CAMTA1: variants seen among roughly 807,000 people sequenced by gnomAD.
CAMTA1 encodes the protein calmodulin binding transcription activator 1.
In CAMTA1, 27 loss-of-function variants were observed where a neutral mutation model predicts 170.9. That is an observed-to-expected ratio of 0.16 (90% CI 0.12 to 0.22). CAMTA1 has a LOEUF of 0.22. CAMTA1 is among the 10% of genes least tolerant of loss of function. The pLI is 1.00. For synonymous variants in CAMTA1, 833 were observed against 891.5 expected (o/e 0.93, Z 1.17); for missense variants, 1,619 against 2,217.2 (o/e 0.73, Z 5.42).
At chr1:7,265,985 A>G (rs1406913191) in intron 5 of CAMTA1, among the ~76,000 whole-genome samples, 6 of 152,238 alleles carry the variant, frequency 3.9e-5, no homozygotes, top group Non-Finnish European at 5.9e-5. Context: ...AACATAGTGT[A>G]AGAAAGTGGA....
At position 7,408,325 on chromosome 1, in the gene CAMTA1, G is replaced by A. The variant is rs113737017; in HGVS notation, c.439-59505G>A. Among the ~76,000 whole-genome samples the A allele has an allele frequency of 6.0e-3, 914 of 152,366 alleles. 8 individuals carry two copies. The highest frequency in any genetic ancestry group is 0.021 in the African/African-American group (875 of 41,594). On this transcript the variant is annotated intron_variant, in intron 5 of 22. Coordinates refer to ENST00000303635, the MANE Select transcript of CAMTA1 (RefSeq NM_015215.4). ...GGACTTGGCACAGAACAGCTGCTCC[G>A]CGTGTCTGTGGAGTAAGAGGTGGAG... is the stretch of plus-strand genomic sequence containing the variant.
chr1:7,498,910 T>C (rs984299200), intron 6 of CAMTA1, among the ~76,000 whole-genome samples: 6 of 119,012 alleles, frequency 5.0e-5, no homozygotes, highest in Non-Finnish European at 8.3e-5. Flanking sequence ...CTGGTGTGAG[T>C]GCGTATGTAT....
At chr1:7,649,286 G>C (rs756925737) in intron 7 of CAMTA1, among the ~76,000 whole-genome samples, 1 of 152,236 alleles carries the variant, frequency 6.6e-6, no homozygotes, top group Non-Finnish European at 1.5e-5. Flanking sequence ...ACAGCAGCTC[G>C]GTCCCTGAGA....
chr1:7,000,982 A>G (rs376122316), intron 3 of CAMTA1, among the ~76,000 whole-genome samples: 6 of 152,180 alleles, frequency 3.9e-5, no homozygotes, highest in East Asian at 3.9e-4. Context: ...TCCCACACCG[A>G]TAGGAAAAAC....
At chr1:7,582,530 G>C (rs1466929053) in intron 6 of CAMTA1, among the ~76,000 whole-genome samples, 48 of 152,134 alleles carry the variant, frequency 3.2e-4, no homozygotes, top group Non-Finnish European at 4.4e-5. Context: ...AACAGACACA[G>C]TCAAGGGCTA....
chr1:7,321,895 C>A (rs752443829), intron 5 of CAMTA1, among the ~76,000 whole-genome samples: 1 of 152,160 alleles, frequency 6.6e-6, no homozygotes, highest in Non-Finnish European at 1.5e-5. Flanking sequence ...GTTACACCAC[C>A]ACGTAACCCT....
intron 4 of CAMTA1, among the ~76,000 whole-genome samples, chr1:7,150,761 G>A (rs1474401302): frequency 6.6e-6 from 1 of 152,156 alleles, no homozygotes; most frequent in Non-Finnish European, 1.5e-5. Flanking sequence ...TGCTTGGGTC[G>A]TGGCCGTGCC....
intron 5 of CAMTA1, among the ~76,000 whole-genome samples, chr1:7,437,347 G>A (rs1193224): frequency 0.27 from 41,645 of 152,116 alleles, 6,492 homozygotes; most frequent in South Asian, 0.39. Context: ...TCCTGAGGGC[G>A]GTGAGGAAAA....
intron 4 of CAMTA1, among the ~76,000 whole-genome samples, chr1:7,243,823 G>A (rs1361695371): frequency 6.6e-6 from 1 of 152,136 alleles, no homozygotes; most frequent in African/African-American, 2.4e-5. Context: ...TCAGGACATA[G>A]GAATGGGCAA....
chr1:7,039,271 T>C (rs1704081714), intron 3 of CAMTA1, among the ~76,000 whole-genome samples: 2 of 152,286 alleles, frequency 1.3e-5, no homozygotes, highest in South Asian at 4.1e-4. Context: ...TCCTCCCTTC[T>C]TTTTTACTAT....
At chr1:7,512,618 T>C (rs977869306) in intron 6 of CAMTA1, among the ~76,000 whole-genome samples, 80 of 152,350 alleles carry the variant, frequency 5.3e-4, no homozygotes, top group African/African-American at 1.9e-3. Flanking sequence ...CCGTTGGCCA[T>C]GCAAGCTGCT....
chr1:7,295,899 G>T (rs1673858834), intron 5 of CAMTA1, among the ~76,000 whole-genome samples: 2 of 152,206 alleles, frequency 1.3e-5, no homozygotes, highest in Admixed American at 6.5e-5. Flanking sequence ...ATTTCTGTGG[G>T]CTGGGGCCAG....
At chr1:7,098,147 G>A (rs1642305124) in intron 4 of CAMTA1, among the ~76,000 whole-genome samples, 1 of 152,208 alleles carries the variant, frequency 6.6e-6, no homozygotes, top group Non-Finnish European at 1.5e-5. Context: ...GCGCATGCGT[G>A]TGTGTGCATG....
At chr1:6,924,482 G>A (rs1304165308) in intron 3 of CAMTA1, among the ~76,000 whole-genome samples, 1 of 152,160 alleles carries the variant, frequency 6.6e-6, no homozygotes, top group Non-Finnish European at 1.5e-5. Context: ...ATCCCCTTGG[G>A]GTGCAGGGAG....
rs563650707 is a variant in CAMTA1, at chr1:7,044,460, C to A, written c.235-46844C>A. Reference sequence around the variant, plus strand: ...GAAAGCAGGGCAGTGCCACTGGGACCCAGATCATGCCCCTCTGCATGTAAC... The same window carrying A: ...GAAAGCAGGGCAGTGCCACTGGGACACAGATCATGCCCCTCTGCATGTAAC... On this transcript the variant is annotated intron_variant, in intron 3 of 22. Coordinates refer to ENST00000303635, the MANE Select transcript of CAMTA1 (RefSeq NM_015215.4). This position sits in a 1 kb window ranked among gnomAD's most constrained non-coding sequence, Gnocchi z 5.0. Among the ~76,000 whole-genome samples, 1 of 152,316 alleles carries A rather than the reference C, an allele frequency of 6.6e-6. No individual in the cohort carries two copies. Among genetic ancestry groups the A allele is most frequent in the South Asian group, 2.1e-4 (1 of 4,820 alleles).
chr1:7,661,195 G>A (rs1273762859), intron 7 of CAMTA1, among the ~76,000 whole-genome samples: 3 of 152,082 alleles, frequency 2.0e-5, no homozygotes, highest in East Asian at 1.9e-4. Context: ...TTGGGGCAAA[G>A]AAGTCTGGTG....
At chr1:7,446,965 G>A (rs2092696316) in intron 5 of CAMTA1, among the ~76,000 whole-genome samples, 1 of 152,196 alleles carries the variant, frequency 6.6e-6, no homozygotes, top group African/African-American at 2.4e-5. Flanking sequence ...TTACCTCCCA[G>A]GTATGGTGCT....
rs376429179 is a variant in CAMTA1 at position 7,671,055 on chromosome 1, C to A, written c.2779+18C>A. ...CTGCCCAGGTGAGAAAGCCGCCCCC[C>A]AGGCCCCCAAGGTGAGTGTGATGGC... On this transcript the variant is annotated intron_variant, in intron 10 of 22. Transcript: ENST00000303635. 5.8e-5 allele frequency: 93 copies of A among 1,611,962 alleles called. No individual in the cohort carries two copies. Among genetic ancestry groups the A allele is most frequent in the Non-Finnish European group, 7.4e-5 (87 of 1,179,516 alleles).
At chr1:7,499,337 TAG>T (rs1409620524) in intron 6 of CAMTA1, among the ~76,000 whole-genome samples, 6 of 141,180 alleles carry the variant, frequency 4.2e-5, no homozygotes, top group East Asian at 2.2e-4. Flanking sequence ...TACATGTGTG[TAG>T]AGAGGATTGT....
Sources: allele counts gnomAD v4.1 joint callset (sites outside exome capture counted in the v4.1 genomes callset), GRCh38; gene constraint gnomAD v4.1.1; non-coding constraint Gnocchi (gnomAD v3.1); transcripts MANE v1.5; gene names NCBI Gene and HGNC (gene_info 2026-07-23, HGNC 2026-07-21).